The following FBXO25 variants were observed in gnomAD, a reference collection of about 807,000 sequenced individuals.
FBXO25 encodes the protein F-box protein 25.
Under a neutral mutation model 51.9 loss-of-function variants are expected in FBXO25, and 45 were observed. The observed-to-expected ratio is 0.87, with a 90% CI of 0.68 to 1.11. The LOEUF is 1.11. FBXO25 is among the 50% of genes most tolerant of loss of function. FBXO25 has a pLI of 0.00. For missense variants in FBXO25, 507 were observed against 428.5 expected, an observed-to-expected ratio of 1.18 and a Z score of -1.62; for synonymous variants, 199 against 151.0, an observed-to-expected ratio of 1.32 and a Z score of -2.33.
intron 5 of FBXO25, among the ~76,000 whole-genome samples, chr8:446,556 A>T (rs1012049335): frequency 6.6e-6 from 1 of 151,886 alleles, no homozygotes; most frequent in Admixed American, 6.6e-5. Flanking sequence ...AGTTGGCCTG[A>T]ATCCTTTGTC....
At chr8:450,387 G>A (rs1456224052) in intron 6 of FBXO25, among the ~76,000 whole-genome samples, 1 of 152,150 alleles carries the variant, frequency 6.6e-6, no homozygotes. Flanking sequence ...TTAGATGTAT[G>A]CTTCCAAAAT....
rs938809810 is a variant in FBXO25, at chr8:471,975, T to G, written c.*3171T>G. On this transcript the variant is annotated 3_prime_UTR_variant, in exon 10 of 10. Coordinates refer to ENST00000350302, the MANE Select transcript of FBXO25 (RefSeq NM_183420.2). The stretch of plus-strand genomic sequence containing the variant: ...AAGATTTATCAGCTCTTTTAACACC[T>G]TTGTAGATTCCTGATGCTGTGTACA... 2 of 152,232 alleles carry G rather than the reference T, an allele frequency of 1.3e-5. No homozygotes were observed. The highest frequency in any genetic ancestry group is 6.5e-5 in the Admixed American group (1 of 15,292). 9.4% of individuals were successfully genotyped at this position (152,232 alleles called of 1,614,324 possible). A position where few individuals can be genotyped will look rare whatever the true frequency, so the allele number is the denominator to read the frequency against.
chr8:444,502 A>C (rs1798618658), intron 5 of FBXO25, among the ~76,000 whole-genome samples: 1 of 152,160 alleles, frequency 6.6e-6, no homozygotes, highest in Non-Finnish European at 1.5e-5. Context: ...GAAATGATTA[A>C]GTTTTCCTTT....
intron 9 of FBXO25, chr8:467,996 C>A: frequency 7.4e-7 from 1 of 1,344,916 alleles, no homozygotes; most frequent in Non-Finnish European, 9.6e-7. Context: ...TGCGCATAAA[C>A]ACTTCACCAC....
At chr8:438,444 A>G (rs1455292097) in intron 5 of FBXO25, among the ~76,000 whole-genome samples, 1 of 152,216 alleles carries the variant, frequency 6.6e-6, no homozygotes, top group Non-Finnish European at 1.5e-5. Flanking sequence ...TAATTACTAC[A>G]CAGTCTTAGG....
chr8:453,164 A>T (rs1799199116), intron 7 of FBXO25, among the ~76,000 whole-genome samples: 1 of 152,248 alleles, frequency 6.6e-6, no homozygotes, highest in Non-Finnish European at 1.5e-5. Context: ...AAAATAAGGT[A>T]CAAAAATGAA....
At chr8:423,466 C>T (rs1797280912) in intron 2 of FBXO25, among the ~76,000 whole-genome samples, 1 of 151,884 alleles carries the variant, frequency 6.6e-6, no homozygotes, top group Admixed American at 6.6e-5. Flanking sequence ...TTCTAGTAGT[C>T]CCCAGTGTCT....
chr8:458,451 A>T lies in FBXO25; in HGVS notation c.743A>T (p.Asp248Val). The T allele has an allele frequency of 6.2e-7, 1 of 1,614,208 alleles. No homozygotes were observed. Among genetic ancestry groups the T allele is most frequent in the Non-Finnish European group, 8.5e-7 (1 of 1,180,032 alleles). ...CTATACCGGTTCTCAGACGGATGGG[A>T]CATCATCACCTTAGGCCAGGTGACC... ...NILYRFSDGW[D>V]IITLGQVTPT... The change falls in exon 8 of 10, where the codon GAC becomes GTC. Residue 248 changes from aspartate (D) to valine (V), a missense_variant. Physicochemically the swap from Asp to Val is radical, Grantham distance 152 (BLOSUM62 -3). Coordinates refer to ENST00000350302, the MANE Select transcript of FBXO25 (RefSeq NM_183420.2).
At chr8:444,037 A>C (rs1160052827) in intron 5 of FBXO25, among the ~76,000 whole-genome samples, 1 of 152,090 alleles carries the variant, frequency 6.6e-6, no homozygotes, top group Non-Finnish European at 1.5e-5. Flanking sequence ...TCCCTGCCTC[A>C]GTTTTCTCAT....
intron 5 of FBXO25, among the ~76,000 whole-genome samples, chr8:436,851 A>G (rs550105957): frequency 6.6e-6 from 1 of 152,308 alleles, no homozygotes; most frequent in East Asian, 1.9e-4. Context: ...CTGTCTACAT[A>G]AAAGGATTTA....
chr8:458,444 G>A lies in FBXO25; in HGVS notation c.736G>A (p.Gly246Arg), dbSNP rs761289056. 1.9e-6 allele frequency: 3 copies of A among 1,614,146 alleles called. No homozygotes were observed. The highest frequency in any genetic ancestry group is 2.5e-6 in the Non-Finnish European group (3 of 1,180,028). ...CAACATCCTATACCGGTTCTCAGAC[G>A]GATGGGACATCATCACCTTAGGCCA... Reference protein sequence around the residue: ...LNNILYRFSDGWDIITLGQVT... With the variant: ...LNNILYRFSDRWDIITLGQVT... The change falls in exon 8 of 10, where the codon GGA (glycine) becomes AGA (arginine). Residue 246 changes from glycine to arginine, a missense_variant. Gly to Arg is a moderately radical substitution (Grantham distance 125, BLOSUM62 -2). Transcript: ENST00000350302.
intron 5 of FBXO25, among the ~76,000 whole-genome samples, chr8:446,212 C>A (rs1798727628): frequency 6.6e-6 from 1 of 152,132 alleles, no homozygotes; most frequent in South Asian, 2.1e-4. Context: ...GCTCCCCTAA[C>A]AGGCCCCTAG....
At chr8:440,475 C>A (rs1798359215) in intron 5 of FBXO25, among the ~76,000 whole-genome samples, 1 of 152,190 alleles carries the variant, frequency 6.6e-6, no homozygotes. Flanking sequence ...CGTAGCTGTC[C>A]TGACAGCCGT....
At chr8:437,236 A>G (rs1798155520) in intron 5 of FBXO25, among the ~76,000 whole-genome samples, 1 of 152,218 alleles carries the variant, frequency 6.6e-6, no homozygotes, top group East Asian at 1.9e-4. Flanking sequence ...CATAACTATA[A>G]AAATTAAAAT....
rs1421697498 is a variant in FBXO25, at chr8:473,755, G to C, written c.*4951G>C. 6.6e-6 allele frequency: 1 copy of C among 151,928 alleles called. No homozygotes were observed. The highest frequency in any genetic ancestry group is 1.5e-5 in the Non-Finnish European group (1 of 67,968). The allele number at this position is 151,928 out of a possible 1,614,324, so 9.4% of individuals were successfully genotyped here. The stretch of plus-strand genomic sequence containing the variant: ...GCTCTTGTTCTTCCTAAGTAAGGGA[G>C]AGCAAAAAAAATGAGGACATCTGTG... On this transcript the variant is annotated 3_prime_UTR_variant, in exon 10 of 10. Coordinates refer to ENST00000350302, the MANE Select transcript of FBXO25 (RefSeq NM_183420.2).
intron 9 of FBXO25, chr8:467,958 C>G (rs987105206): frequency 7.1e-7 from 1 of 1,404,740 alleles, no homozygotes; most frequent in African/African-American, 1.4e-5. Flanking sequence ...CAGAACAACA[C>G]CTGAGTGCTG....
At chr8:457,097 C>T (rs760424526) in intron 7 of FBXO25, among the ~76,000 whole-genome samples, 2 of 152,188 alleles carry the variant, frequency 1.3e-5, no homozygotes, top group Non-Finnish European at 2.9e-5. Flanking sequence ...GTACATACAT[C>T]GACCTATTGG....
rs1041944994 is a variant in FBXO25 at position 477,723 on chromosome 8, C to G, written c.*8919C>G. ...GAAGCCGCCACCAGGGGGCCACGCA[C>G]CAGTGCATGTGGCTGTGTTCCAAAC... is the stretch of plus-strand genomic sequence containing the variant. On this transcript the variant is annotated 3_prime_UTR_variant, in exon 10 of 10. Transcript: ENST00000350302. 6.6e-6 allele frequency: 1 copy of G among 152,380 alleles called. No individual in the cohort carries two copies. The highest frequency in any genetic ancestry group is 2.4e-5 in the African/African-American group (1 of 41,472). The allele number at this position is 152,380 out of a possible 1,614,324, so 9.4% of individuals were successfully genotyped here.
chr8:470,429 T>A lies in FBXO25; in HGVS notation c.*1625T>A, dbSNP rs1424553324. 1 of 152,096 alleles carries A rather than the reference T, an allele frequency of 6.6e-6. No homozygotes were observed. The highest frequency in any genetic ancestry group is 1.5e-5 in the Non-Finnish European group (1 of 68,054). The allele number at this position is 152,096 out of a possible 1,614,324, so 9.4% of individuals were successfully genotyped here. On this transcript the variant is annotated 3_prime_UTR_variant, in exon 10 of 10. Transcript: ENST00000350302. Reference sequence around the variant, plus strand: ...GGAGTGCAGGGGTATGATGTCGGCTTACTGCAACCTCTGTCCCCCAGGCTC... The same window carrying A: ...GGAGTGCAGGGGTATGATGTCGGCTAACTGCAACCTCTGTCCCCCAGGCTC...
Sources: gnomAD v4.1 joint callset for allele counts (sites outside exome capture counted in the v4.1 genomes callset) on GRCh38, gnomAD v4.1.1 for gene constraint, MANE v1.5 for transcripts, NCBI Gene and HGNC (gene_info 2026-07-23, HGNC 2026-07-21) for gene names.